Variants in HS3ST5 observed in about 807,000 individuals in gnomAD.
HS3ST5 encodes the protein heparan sulfate-glucosamine 3-sulfotransferase 5.
A neutral mutation model predicts 25.4 loss-of-function variants in HS3ST5; 10 were observed. That is an observed-to-expected ratio of 0.39 (90% CI 0.24 to 0.67). The LOEUF is 0.67. HS3ST5 is among the 30% of genes least tolerant of loss of function. The pLI is 0.44. For missense variants in HS3ST5, 324 were observed against 420.7 expected, an observed-to-expected ratio of 0.77 and a Z score of 2.01; for synonymous variants, 170 against 162.4, an observed-to-expected ratio of 1.05 and a Z score of -0.36.
At chr6:114,249,232 C>G (rs889662910) in intron 1 of HS3ST5, among the ~76,000 whole-genome samples, 1 of 152,168 alleles carries the variant, frequency 6.6e-6, no homozygotes, top group African/African-American at 2.4e-5. Context: ...AATAGAGATT[C>G]AGCACATATG....
At chr6:114,072,266 C>T (rs1397240192) in intron 3 of HS3ST5, among the ~76,000 whole-genome samples, 4 of 151,972 alleles carry the variant, frequency 2.6e-5, no homozygotes, top group East Asian at 3.9e-4. Context: ...CTTGTCTCCT[C>T]ATACACTTTT....
intron 3 of HS3ST5, among the ~76,000 whole-genome samples, chr6:114,134,565 G>T (rs1484663677): frequency 1.3e-5 from 2 of 152,190 alleles, no homozygotes; most frequent in African/African-American, 4.8e-5. Context: ...TAGCTCAGTT[G>T]TTCTCAGCCT....
intron 1 of HS3ST5, among the ~76,000 whole-genome samples, chr6:114,324,965 C>G (rs1776115424): frequency 6.6e-6 from 1 of 152,208 alleles, no homozygotes; most frequent in African/African-American, 2.4e-5. Context: ...AATGATTATA[C>G]TTGCAGGAAA....
At chr6:114,233,998 A>G (rs1771735062) in intron 1 of HS3ST5, among the ~76,000 whole-genome samples, 1 of 152,210 alleles carries the variant, frequency 6.6e-6, no homozygotes, top group African/African-American at 2.4e-5. Flanking sequence ...CTGCTTCTCC[A>G]GGGCTTCTAA....
At chr6:114,061,959 T>G (rs1288333621) in intron 4 of HS3ST5, among the ~76,000 whole-genome samples, 1 of 152,090 alleles carries the variant, frequency 6.6e-6, no homozygotes, top group Admixed American at 6.6e-5. Flanking sequence ...AAAAAAAATT[T>G]TTTTTTAAGG....
intron 1 of HS3ST5, among the ~76,000 whole-genome samples, chr6:114,285,973 T>C (rs1335729004): frequency 6.6e-6 from 1 of 151,876 alleles, no homozygotes; most frequent in Non-Finnish European, 1.5e-5. Flanking sequence ...TCTGATCCCA[T>C]TTATTAAAAA....
At chr6:114,172,287 G>A (rs1440544518) in intron 2 of HS3ST5, among the ~76,000 whole-genome samples, 4 of 152,134 alleles carry the variant, frequency 2.6e-5, no homozygotes. Context: ...TCCAATGAAC[G>A]ATATCCCCGC....
chr6:114,212,339 T>C (rs905426646), intron 2 of HS3ST5, among the ~76,000 whole-genome samples: 26 of 152,238 alleles, frequency 1.7e-4, no homozygotes, highest in Non-Finnish European at 3.4e-4. Context: ...GGGAGATGTA[T>C]GGATACATGG....
At chr6:114,235,016 C>T (rs1436157976) in intron 1 of HS3ST5, among the ~76,000 whole-genome samples, 7 of 151,864 alleles carry the variant, frequency 4.6e-5, no homozygotes, top group Non-Finnish European at 8.8e-5. Flanking sequence ...CCAGCTACTC[C>T]AGAGGCTGAG....
At chr6:114,328,638 G>A (rs1776268649) in intron 1 of HS3ST5, among the ~76,000 whole-genome samples, 1 of 152,238 alleles carries the variant, frequency 6.6e-6, no homozygotes, top group South Asian at 2.1e-4. Context: ...TTCTAGCTCT[G>A]TGTTAGCAAA....
intron 3 of HS3ST5, among the ~76,000 whole-genome samples, chr6:114,094,526 T>C (rs1408165200): frequency 6.6e-6 from 1 of 152,178 alleles, no homozygotes; most frequent in African/African-American, 2.4e-5. Context: ...ATGGAGTTAT[T>C]CCTTTTTTTC....
At position 114,178,619 on chromosome 6, in the gene HS3ST5, A is replaced by G. The variant is rs1779829753; in HGVS notation, c.-144-10157T>C. On this transcript the variant is annotated intron_variant, in intron 2 of 4. Coordinates refer to ENST00000312719, the MANE Select transcript of HS3ST5 (RefSeq NM_153612.4). ...TGTCATTGTGAAGTTTTAATTCCCC[A>G]AAGTGTTTTAACACCTGTTTTCTTT... 2.6e-5 allele frequency: 4 copies of G among 152,226 alleles called. No homozygotes were observed. In the South Asian group the frequency reaches 6.2e-4, roughly 24 times the overall value. The allele number at this position is 152,226 out of a possible 1,614,324, so 9.4% of individuals were successfully genotyped here.
chr6:114,226,529 T>C (rs912009135), intron 2 of HS3ST5, among the ~76,000 whole-genome samples: 1 of 151,966 alleles, frequency 6.6e-6, no homozygotes, highest in Non-Finnish European at 1.5e-5. Flanking sequence ...TTACTACTCA[T>C]TGTGTTAGAC....
chr6:114,285,068 C>A (rs1217382811), intron 1 of HS3ST5, among the ~76,000 whole-genome samples: 1 of 151,976 alleles, frequency 6.6e-6, no homozygotes, highest in African/African-American at 2.4e-5. Context: ...TACTGCTAGG[C>A]ATTTATCCAA....
At position 114,057,839 on chromosome 6, in the gene HS3ST5, A is replaced by T. The variant is rs763765618; in HGVS notation, c.459T>A (p.Ile153=). The T allele has an allele frequency of 6.2e-7, 1 of 1,614,032 alleles. No individual in the cohort carries two copies. The highest frequency in any genetic ancestry group is 1.7e-5 in the Admixed American group (1 of 60,012). The part of the protein sequence containing the change: ...MPFSYPQQIT[I]EKSPAYFITE... ...TGATAAAATATGCTGGGCTCTTTTC[A>T]ATTGTGATTTGCTGAGGGTAGGAAA... The change falls in exon 5 of 5, where the codon ATT becomes ATA. Residue 153 remains isoleucine, a synonymous_variant. Coordinates refer to ENST00000312719, the MANE Select transcript of HS3ST5 (RefSeq NM_153612.4).
intron 3 of HS3ST5, among the ~76,000 whole-genome samples, chr6:114,072,825 C>T (rs1344729475): frequency 1.3e-5 from 2 of 152,238 alleles, no homozygotes; most frequent in East Asian, 3.9e-4. Context: ...AAAAAGAGCC[C>T]ACATAGCCAA....
intron 2 of HS3ST5, among the ~76,000 whole-genome samples, chr6:114,224,362 T>C (rs572946452): frequency 2.1e-4 from 32 of 151,682 alleles, no homozygotes; most frequent in African/African-American, 7.2e-4. Context: ...TTGGGTAACT[T>C]CAAAATATAA....
intron 1 of HS3ST5, among the ~76,000 whole-genome samples, chr6:114,254,855 C>T (rs1204396300): frequency 6.6e-6 from 1 of 152,164 alleles, no homozygotes; most frequent in Non-Finnish European, 1.5e-5. Flanking sequence ...TCCCACAAAA[C>T]ATTGGAATTA....
intron 1 of HS3ST5, chr6:114,231,281 C>G (rs2114536078): frequency 6.6e-6 from 1 of 152,262 alleles, no homozygotes; most frequent in Admixed American, 6.5e-5. Flanking sequence ...AGCCAAAAAC[C>G]AAGATCTTCG....
Sources: gnomAD v4.1 joint callset for allele counts (sites outside exome capture counted in the v4.1 genomes callset) on GRCh38, gnomAD v4.1.1 for gene constraint, MANE v1.5 for transcripts, NCBI Gene and HGNC (gene_info 2026-07-23, HGNC 2026-07-21) for gene names.